LIPA: variants seen among roughly 807,000 people sequenced by gnomAD.
LIPA encodes lysosomal acid lipase/cholesteryl ester hydrolase.
A neutral mutation model predicts 40.6 loss-of-function variants in LIPA; 26 were observed. The observed-to-expected ratio is 0.64, with a 90% CI of 0.47 to 0.89. The LOEUF (loss-of-function observed/expected upper bound fraction) is 0.89, where lower values mean the gene tolerates loss of function less well. Among genes scored for constraint, LIPA ranks in the 40% least tolerant of loss-of-function variants. The probability of loss-of-function intolerance (pLI) is 0.00; values close to 1 mark genes in which losing one functional copy is unlikely to be tolerated. For missense variants in LIPA, 455 were observed against 479.6 expected (o/e 0.95, Z 0.48); for synonymous variants, 188 against 168.4 (o/e 1.12, Z -0.90).
At chr10:89,364,677 G>A (rs1844045919) in intron 2 of LIPA, among the ~76,000 whole-genome samples, 1 of 148,812 alleles carries the variant, frequency 6.7e-6, no homozygotes. Flanking sequence ...TATATATATA[G>A]TATATATATA....
Position 89,321,047 on chromosome 10 carries a change from C to T in LIPA, c.-2+21564G>A, listed in dbSNP as rs201050756. Among the ~76,000 whole-genome samples, 851 of 151,854 alleles carry T rather than the reference C, an allele frequency of 5.6e-3. 3 individuals are homozygous for T. Among genetic ancestry groups the T allele is most frequent in the Middle Eastern group, 0.02 (6 of 294 alleles). On this transcript the variant is annotated intron_variant, in intron 1 of 5. Coordinates refer to the LIPA transcript ENST00000282673. ...AAGCTGAAACTGGATCCCTTCCTTA[C>T]ACCTTATACAAAAATTAATTCAAGA...
chr10:89,388,296 G>A (rs1048417715), intron 2 of LIPA, among the ~76,000 whole-genome samples: 1 of 152,148 alleles, frequency 6.6e-6, no homozygotes, highest in Admixed American at 6.5e-5. Flanking sequence ...AGTAGAGACA[G>A]GGTTTTGCCA....
chr10:89,346,787 G>C (rs1328027250), upstream of LIPA, among the ~76,000 whole-genome samples: 2 of 152,192 alleles, frequency 1.3e-5, no homozygotes, highest in Non-Finnish European at 2.9e-5. Flanking sequence ...GTATGCCCAA[G>C]AATGATGCAA....
intron 2 of LIPA, among the ~76,000 whole-genome samples, chr10:89,356,033 GCTTT>G (rs1386887562): frequency 6.6e-6 from 1 of 152,186 alleles, no homozygotes; most frequent in African/African-American, 2.4e-5. Flanking sequence ...TATGGAGTAG[GCTTT>G]CTTTTATTCC....
intron 2 of LIPA, among the ~76,000 whole-genome samples, chr10:89,378,314 T>C (rs979305580): frequency 6.6e-6 from 1 of 152,164 alleles, no homozygotes; most frequent in South Asian, 2.1e-4. Context: ...ATAAGGGGGC[T>C]ATTTAAGACG....
intron 2 of LIPA, chr10:89,384,207 A>C: frequency 6.2e-7 from 1 of 1,614,192 alleles, no homozygotes; most frequent in Non-Finnish European, 8.5e-7. Flanking sequence ...ACAGGGCACA[A>C]ATGATCCAAA....
At chr10:89,298,077 A>G (rs1476966235) in intron 1 of LIPA, among the ~76,000 whole-genome samples, 1 of 152,176 alleles carries the variant, frequency 6.6e-6, no homozygotes, top group Non-Finnish European at 1.5e-5. Flanking sequence ...ACTTATCAGA[A>G]CCCAAGGGTT....
At chr10:89,321,726 T>C (rs61853143) in intron 1 of LIPA, among the ~76,000 whole-genome samples, 22 of 152,114 alleles carry the variant, frequency 1.4e-4, no homozygotes, top group South Asian at 2.1e-4. Context: ...TGGGTATATA[T>C]CCAAAGGATT....
chr10:89,289,237 C>T (rs1370976419), intron 1 of LIPA, among the ~76,000 whole-genome samples: 2 of 152,206 alleles, frequency 1.3e-5, no homozygotes, highest in East Asian at 1.9e-4. Context: ...TCTATTCTAT[C>T]GTCATTTCAT....
At chr10:89,392,507 T>G in intron 2 of LIPA, 1 of 172,068 alleles carries the variant, frequency 5.8e-6, no homozygotes, top group Non-Finnish European at 1.2e-5. Flanking sequence ...CTAGCTTTAG[T>G]TTCACTTTCC....
At chr10:89,300,847 C>T (rs1843441187) in intron 1 of LIPA, among the ~76,000 whole-genome samples, 2 of 152,142 alleles carry the variant, frequency 1.3e-5, no homozygotes, top group Middle Eastern at 3.4e-3. Context: ...ATTAGCCGGG[C>T]GTGGTGGTGC....
chr10:89,349,753 C>G (rs1843946667), intron 2 of LIPA, among the ~76,000 whole-genome samples: 1 of 152,162 alleles, frequency 6.6e-6, no homozygotes, highest in Non-Finnish European at 1.5e-5. Context: ...GATTATAAAT[C>G]AGTAATGCAA....
chr10:89,224,091 A>G (rs181872185), intron 6 of LIPA, among the ~76,000 whole-genome samples: 85 of 152,358 alleles, frequency 5.6e-4, no homozygotes, highest in Middle Eastern at 3.4e-3. Context: ...GCGGACTTCT[A>G]CAGTGGGAAA....
upstream of LIPA, among the ~76,000 whole-genome samples, chr10:89,345,277 C>T (rs1449597436): frequency 6.6e-6 from 1 of 151,278 alleles, no homozygotes; most frequent in African/African-American, 2.4e-5. Context: ...GCCTGTAATC[C>T]CAGCACTTTG....
chr10:89,222,116 G>A (rs1842706722), intron 8 of LIPA, among the ~76,000 whole-genome samples: 2 of 151,902 alleles, frequency 1.3e-5, no homozygotes, highest in Non-Finnish European at 2.9e-5. Context: ...TCTCCAAAAC[G>A]GACTTAAAAT....
At chr10:89,226,474 T>C (rs1842771593) in intron 5 of LIPA, among the ~76,000 whole-genome samples, 1 of 152,276 alleles carries the variant, frequency 6.6e-6, no homozygotes, top group African/African-American at 2.4e-5. Context: ...GCATTACTTA[T>C]ATAATCAGCA....
At chr10:89,320,817 A>G (rs1843567028) in intron 1 of LIPA, among the ~76,000 whole-genome samples, 1 of 152,174 alleles carries the variant, frequency 6.6e-6, no homozygotes, top group Non-Finnish European at 1.5e-5. Context: ...ACTTCAAACT[A>G]TACTACAAGG....
At chr10:89,244,741 G>A (rs1007632135) in intron 3 of LIPA, among the ~76,000 whole-genome samples, 2 of 151,760 alleles carry the variant, frequency 1.3e-5, no homozygotes. Context: ...AAATGAGAGA[G>A]AGAAAAAAGA....
rs550377274 is a variant in LIPA, at chr10:89,319,376, G to A, written c.-2+23235C>T. On this transcript the variant is annotated intron_variant, in intron 1 of 5. Transcript: ENST00000282673. Reference sequence around the variant, plus strand: ...TAGATGCAATTAAAAATGATAAAGGGGATATCACCACCAATCACACAGAAA... The same window carrying A: ...TAGATGCAATTAAAAATGATAAAGGAGATATCACCACCAATCACACAGAAA... Among the ~76,000 whole-genome samples, 13 of 152,096 alleles carry A rather than the reference G, an allele frequency of 8.5e-5. No individual in the cohort carries two copies. In the East Asian group the frequency reaches 2.5e-3, roughly 29 times the overall value.
Sources: allele counts gnomAD v4.1 joint callset (sites outside exome capture counted in the v4.1 genomes callset), GRCh38; gene constraint gnomAD v4.1.1; transcripts MANE v1.5; gene names NCBI Gene and HGNC (gene_info 2026-07-23, HGNC 2026-07-21).